The following ERC2 variants were observed in gnomAD, a reference collection of about 807,000 sequenced individuals.
ERC2 encodes the protein ERC protein 2.
In ERC2, 42 loss-of-function variants were observed where a neutral mutation model predicts 114.8. The observed-to-expected ratio is 0.37, with a 90% confidence interval of 0.29 to 0.47. ERC2 has a LOEUF of 0.47. ERC2 is among the 20% of genes least tolerant of loss of function. The probability of loss-of-function intolerance (pLI) is 0.99; values close to 1 mark genes in which losing one functional copy is unlikely to be tolerated. For missense variants in ERC2, 939 were observed against 1,150.7 expected, an observed-to-expected ratio of 0.82 and a Z score of 2.66; for synonymous variants, 454 against 425.5, an observed-to-expected ratio of 1.07 and a Z score of -0.82.
At chr3:56,330,574 A>C (rs758221194) in intron 2 of ERC2, among the ~76,000 whole-genome samples, 3 of 152,198 alleles carry the variant, frequency 2.0e-5, no homozygotes, top group Non-Finnish European at 4.4e-5. Context: ...CTGGATTTCA[A>C]CTTAATTACA....
chr3:55,799,379 CCTT>C (rs2070790837), intron 14 of ERC2, among the ~76,000 whole-genome samples: 10 of 137,142 alleles, frequency 7.3e-5, no homozygotes, highest in African/African-American at 2.6e-4. Context: ...TATATATATG[CCTT>C]ATATATATAT....
intron 13 of ERC2, among the ~76,000 whole-genome samples, chr3:55,933,201 T>C (rs537561438): frequency 2.9e-4 from 34 of 115,774 alleles, no homozygotes; most frequent in Non-Finnish European, 5.6e-4. Flanking sequence ...AGAGCAAGAC[T>C]TTGTCTCAAA....
At chr3:56,360,343 C>T (rs1441219108) in intron 2 of ERC2, among the ~76,000 whole-genome samples, 1 of 152,016 alleles carries the variant, frequency 6.6e-6, no homozygotes, top group Non-Finnish European at 1.5e-5. Context: ...CAACAAAAGT[C>T]TTCTTAATAG....
intron 17 of ERC2, among the ~76,000 whole-genome samples, chr3:55,595,574 TA>T (rs2148511793): frequency 6.6e-6 from 1 of 152,350 alleles, no homozygotes; most frequent in South Asian, 2.1e-4. Flanking sequence ...GGCAGCGCAT[TA>T]AGGCTCTCTG....
At chr3:56,113,080 G>T (rs570954043) in intron 6 of ERC2, among the ~76,000 whole-genome samples, 4 of 152,288 alleles carry the variant, frequency 2.6e-5, no homozygotes, top group African/African-American at 9.6e-5. Context: ...TCTAATAGGT[G>T]GGGTGTTAAT....
intron 3 of ERC2, among the ~76,000 whole-genome samples, chr3:56,234,619 G>A (rs1430772333): frequency 6.6e-6 from 1 of 152,194 alleles, no homozygotes; most frequent in East Asian, 1.9e-4. Context: ...CAGAGACTGG[G>A]TAATTTATAA....
At chr3:55,979,833 A>C (rs2069929008) in intron 12 of ERC2, among the ~76,000 whole-genome samples, 2 of 151,978 alleles carry the variant, frequency 1.3e-5, no homozygotes, top group Non-Finnish European at 2.9e-5. Flanking sequence ...AGTTCTAGCT[A>C]CTTGAGAGGC....
At chr3:56,063,865 T>C (rs532149469) in intron 7 of ERC2, among the ~76,000 whole-genome samples, 2 of 152,334 alleles carry the variant, frequency 1.3e-5, no homozygotes, top group South Asian at 2.1e-4. Flanking sequence ...GTAAAGTTTA[T>C]TTCCATTAAC....
intron 4 of ERC2, among the ~76,000 whole-genome samples, chr3:56,153,248 C>T (rs2081525225): frequency 6.6e-6 from 1 of 152,112 alleles, no homozygotes; most frequent in Non-Finnish European, 1.5e-5. Flanking sequence ...CAAGAAGATC[C>T]ATGGGCATCC....
intron 2 of ERC2, among the ~76,000 whole-genome samples, chr3:56,299,578 C>T (rs368224019): frequency 2.6e-5 from 4 of 151,858 alleles, no homozygotes; most frequent in South Asian, 2.1e-4. Context: ...TATAGGTGTG[C>T]GCCACCACAC....
intron 7 of ERC2, among the ~76,000 whole-genome samples, chr3:56,044,441 T>A (rs922975637): frequency 6.6e-6 from 1 of 152,154 alleles, no homozygotes; most frequent in East Asian, 1.9e-4. Context: ...CTTTATGAGC[T>A]GAACATTTGA....
intron 3 of ERC2, among the ~76,000 whole-genome samples, chr3:56,204,920 G>GTC (rs1388717146): frequency 3.4e-5 from 2 of 59,410 alleles, no homozygotes; most frequent in African/African-American, 9.5e-5. Flanking sequence ...CATGGGACGT[G>GTC]TCTGTGTGTG....
At chr3:56,162,624 C>T (rs183806854) in intron 4 of ERC2, among the ~76,000 whole-genome samples, 40 of 152,192 alleles carry the variant, frequency 2.6e-4, no homozygotes, top group Admixed American at 2.2e-3. Context: ...TGTGTTTCCA[C>T]GAATTTACCC....
Position 56,245,488 on chromosome 3 carries a change from GTA to G in ERC2, c.1074+50529_1074+50530del, listed in dbSNP as rs2051620610. ...ATTCTATACAATTTGCCAGACGTAT[GTA>G]TGTGTGTGTGTGTGGTATGTTGTGT... On this transcript the variant is annotated intron_variant, in intron 3 of 17. Transcript: ENST00000288221. Among the ~76,000 whole-genome samples, 2 of 140,486 alleles carry G rather than the reference GTA, an allele frequency of 1.4e-5. 1 individual carries two copies. The highest frequency in any genetic ancestry group is 5.0e-4 in the South Asian group (2 of 3,986). The allele number at this position is 140,486 out of a possible 152,430, so 92.2% of individuals were successfully genotyped here. A position where few individuals can be genotyped will look rare whatever the true frequency, so the allele number is the denominator to read the frequency against.
intron 17 of ERC2, among the ~76,000 whole-genome samples, chr3:55,622,254 A>C (rs75560199): frequency 6.6e-6 from 1 of 152,196 alleles, no homozygotes; most frequent in Admixed American, 6.5e-5. Flanking sequence ...AACAAATATG[A>C]AGTGCTGACT....
At chr3:55,969,332 T>G (rs1320053315) in intron 12 of ERC2, among the ~76,000 whole-genome samples, 1 of 151,940 alleles carries the variant, frequency 6.6e-6, no homozygotes, top group South Asian at 2.1e-4. Flanking sequence ...CAAGATGGTA[T>G]GCTGGAGAGC....
intron 7 of ERC2, among the ~76,000 whole-genome samples, chr3:56,066,652 G>A (rs760605394): frequency 1.8e-4 from 27 of 152,236 alleles, no homozygotes; most frequent in African/African-American, 6.3e-4. Flanking sequence ...GAATGGTACC[G>A]CCTAGATTTT....
At chr3:55,834,085 T>A (rs1312910888) in intron 14 of ERC2, among the ~76,000 whole-genome samples, 1 of 151,694 alleles carries the variant, frequency 6.6e-6, no homozygotes, top group Admixed American at 6.6e-5. Flanking sequence ...ATGCACCCAA[T>A]ACAGGAGCAC....
chr3:55,654,944 C>T (rs1411782513), intron 17 of ERC2, among the ~76,000 whole-genome samples: 1 of 152,236 alleles, frequency 6.6e-6, no homozygotes, highest in Non-Finnish European at 1.5e-5. Context: ...TGCAGCCCAA[C>T]CTCTAACTGC....
Sources: gnomAD v4.1 joint callset for allele counts (sites outside exome capture counted in the v4.1 genomes callset) on GRCh38, gnomAD v4.1.1 for gene constraint, MANE v1.5 for transcripts, NCBI Gene and HGNC (gene_info 2026-07-23, HGNC 2026-07-21) for gene names.